The following PDE8A variants were observed in gnomAD, a reference collection of about 807,000 sequenced individuals.
PDE8A encodes the protein high affinity cAMP-specific and IBMX-insensitive 3',5'-cyclic phosphodiesterase 8A.
In PDE8A, 59 loss-of-function variants were observed where a neutral mutation model predicts 105.0. The observed-to-expected ratio is 0.56, with a 90% CI of 0.46 to 0.70. PDE8A has a LOEUF of 0.70. Among genes scored for constraint, PDE8A ranks in the 30% least tolerant of loss-of-function variants. PDE8A has a pLI of 0.00. For missense variants in PDE8A, 1,014 were observed against 1,045.9 expected (o/e 0.97, Z 0.42); for synonymous variants, 355 against 371.9 (o/e 0.95, Z 0.52).
chr15:85,107,211 A>G (rs1331453677), intron 11 of PDE8A, among the ~76,000 whole-genome samples: 1 of 152,232 alleles, frequency 6.6e-6, no homozygotes, highest in African/African-American at 2.4e-5. Flanking sequence ...ATTTCCAAGT[A>G]GGTGGTTTGT....
At chr15:85,057,276 C>A (rs2081075109) in intron 1 of PDE8A, among the ~76,000 whole-genome samples, 1 of 152,224 alleles carries the variant, frequency 6.6e-6, no homozygotes, top group African/African-American at 2.4e-5. Context: ...CTTGAGGAGG[C>A]AGACTGTCTG....
intron 1 of PDE8A, among the ~76,000 whole-genome samples, chr15:85,034,010 G>GA (rs772445482): frequency 1.2e-4 from 19 of 152,204 alleles, no homozygotes; most frequent in Non-Finnish European, 2.6e-4. Flanking sequence ...CTGTGTTCTG[G>GA]AAAAATTAAC....
chr15:85,071,760 G>A (rs2081314531), intron 3 of PDE8A, among the ~76,000 whole-genome samples: 1 of 152,182 alleles, frequency 6.6e-6, no homozygotes. Context: ...CAAACTCTTA[G>A]CCTGCATAGA....
intron 8 of PDE8A, among the ~76,000 whole-genome samples, chr15:85,097,039 G>A (rs1302213343): frequency 1.3e-5 from 2 of 152,098 alleles, no homozygotes; most frequent in Non-Finnish European, 2.9e-5. Context: ...AGGCTGCCAT[G>A]GTGCTTAACA....
At chr15:85,015,515 G>T (rs1419770633) in intron 1 of PDE8A, among the ~76,000 whole-genome samples, 3 of 152,106 alleles carry the variant, frequency 2.0e-5, no homozygotes, top group African/African-American at 7.2e-5. Context: ...AATTTTGCTA[G>T]GTGTTGTTCA....
At chr15:85,073,616 T>C (rs1049498996) in intron 3 of PDE8A, among the ~76,000 whole-genome samples, 1 of 152,266 alleles carries the variant, frequency 6.6e-6, no homozygotes, top group Non-Finnish European at 1.5e-5. Flanking sequence ...TTGAAATGGC[T>C]ACATACTTAA....
At chr15:85,043,851 C>G (rs1456591474) in intron 1 of PDE8A, among the ~76,000 whole-genome samples, 1 of 152,048 alleles carries the variant, frequency 6.6e-6, no homozygotes, top group East Asian at 1.9e-4. Flanking sequence ...GTGCCCACCA[C>G]CACGCCAAGC....
rs916963049 is a variant in PDE8A, at chr15:85,138,788, G to A, written c.*885G>A. 3 of 152,138 alleles carry A rather than the reference G, an allele frequency of 2.0e-5. No individual in the cohort carries two copies. The highest frequency in any genetic ancestry group is 6.5e-5 in the Admixed American group (1 of 15,270). The allele number at this position is 152,138 out of a possible 1,614,324, so 9.4% of individuals were successfully genotyped here. The stretch of plus-strand genomic sequence containing the variant: ...CCCCAAGGTAAAACTAGACTCTCTT[G>A]TTGGTTCGCAAAGAAAAGTTAGGAC... On this transcript the variant is annotated 3_prime_UTR_variant, in exon 22 of 22. Transcript: ENST00000394553.
At chr15:85,132,647 G>A (rs556637087) in intron 20 of PDE8A, among the ~76,000 whole-genome samples, 1 of 152,230 alleles carries the variant, frequency 6.6e-6, no homozygotes, top group Non-Finnish European at 1.5e-5. Flanking sequence ...TGTATTTTTA[G>A]TAGAGATGAG....
rs552956265 is a variant in PDE8A, at chr15:85,068,573, A to G, written c.434+1369A>G. The stretch of plus-strand genomic sequence containing the variant: ...GGTTTCCAGTATCCCTTTTATCCCT[A>G]ACATTGAATAGATACCACTCAGAGG... On this transcript the variant is annotated intron_variant, in intron 3 of 21. Coordinates refer to ENST00000394553, the MANE Select transcript of PDE8A (RefSeq NM_002605.3). 3.7e-4 allele frequency among the ~76,000 whole-genome samples: 54 copies of G among 145,288 alleles called. No individual in the cohort carries two copies. In the Middle Eastern group the frequency reaches 0.019, roughly 50 times the overall value.
intron 3 of PDE8A, among the ~76,000 whole-genome samples, chr15:85,073,903 G>T (rs955225286): frequency 6.6e-6 from 1 of 152,204 alleles, no homozygotes; most frequent in African/African-American, 2.4e-5. Context: ...CAGTCAGGGG[G>T]ACCAGGGTTG....
At chr15:85,061,788 T>G (rs903230145) in intron 1 of PDE8A, among the ~76,000 whole-genome samples, 2 of 152,132 alleles carry the variant, frequency 1.3e-5, no homozygotes, top group Admixed American at 1.3e-4. Flanking sequence ...ACTATTTTTT[T>G]AAAGGTTTTT....
intron 1 of PDE8A, among the ~76,000 whole-genome samples, chr15:84,982,597 T>G (rs1257920952): frequency 1.3e-5 from 2 of 149,408 alleles, no homozygotes; most frequent in East Asian, 1.9e-4. Flanking sequence ...CGGCGTCGGT[T>G]TTTTGGACAC....
Position 85,136,800 on chromosome 15 carries a change from C to T in PDE8A, c.2383+137C>T, listed in dbSNP as rs775142012. On this transcript the variant is annotated intron_variant, in intron 21 of 21. Transcript: ENST00000394553. ...GAACAAGAGCGAAGTGAACCATCAC[C>T]GAGGGCCCCTGAGGGCTAGGTGTTC... The T allele has an allele frequency of 5.9e-4, 474 of 799,534 alleles. 2 individuals carry two copies. Among genetic ancestry groups the T allele is most frequent in the Middle Eastern group, 3.0e-3 (8 of 2,628 alleles). The allele number at this position is 799,534 out of a possible 1,614,324, so 49.5% of individuals were successfully genotyped here. A position where few individuals can be genotyped will look rare whatever the true frequency, so the allele number is the denominator to read the frequency against.
chr15:85,134,069 C>T (rs973694239), intron 20 of PDE8A, among the ~76,000 whole-genome samples: 81 of 152,198 alleles, frequency 5.3e-4, no homozygotes, highest in Non-Finnish European at 1.5e-4. Context: ...GGGCATGGGC[C>T]ACAGTTTGCT....
At chr15:85,038,500 A>G (rs2080746970) in intron 1 of PDE8A, among the ~76,000 whole-genome samples, 2 of 152,196 alleles carry the variant, frequency 1.3e-5, no homozygotes, top group South Asian at 2.1e-4. Flanking sequence ...ATGAAATTGC[A>G]TCAAACTAAA....
At chr15:85,011,807 GGCTAATATCCA>G (rs1203492171) in intron 1 of PDE8A, among the ~76,000 whole-genome samples, 7 of 151,876 alleles carry the variant, frequency 4.6e-5, no homozygotes, top group Non-Finnish European at 1.0e-4. Flanking sequence ...TCTGACAAAG[GGCTAATATCCA>G]GAATCTACAA....
chr15:85,027,187 G>A (rs1216254289), intron 1 of PDE8A, among the ~76,000 whole-genome samples: 1 of 152,180 alleles, frequency 6.6e-6, no homozygotes, highest in African/African-American at 2.4e-5. Flanking sequence ...GAGAGTCAGT[G>A]TGCTGCAGAA....
upstream of PDE8A, among the ~76,000 whole-genome samples, chr15:84,981,439 C>T (rs999896945): frequency 2.0e-5 from 3 of 152,186 alleles, no homozygotes; most frequent in South Asian, 6.2e-4. Context: ...GCAGCCGTTT[C>T]TGCGCTTCTC....
Sources: gnomAD v4.1 joint callset for allele counts (sites outside exome capture counted in the v4.1 genomes callset) on GRCh38, gnomAD v4.1.1 for gene constraint, MANE v1.5 for transcripts, NCBI Gene and HGNC (gene_info 2026-07-23, HGNC 2026-07-21) for gene names.